Variants in MOCOS observed in about 807,000 individuals in gnomAD.
MOCOS encodes molybdenum cofactor sulfurase.
MOCOS carries 86 observed loss-of-function variants against 83.6 expected under a neutral mutation model. That is an observed-to-expected ratio of 1.03 (90% CI 0.86 to 1.23). MOCOS has a LOEUF of 1.23. Among genes scored for constraint, MOCOS ranks in the 50% most tolerant of loss-of-function variants. The pLI is 0.00. For missense variants in MOCOS, 1,120 were observed against 1,126.9 expected, an observed-to-expected ratio of 0.99 and a Z score of 0.09; for synonymous variants, 445 against 434.7, an observed-to-expected ratio of 1.02 and a Z score of -0.29.
At chr18:36,217,454 C>A (rs866226635) in intron 8 of MOCOS, among the ~76,000 whole-genome samples, 4 of 151,966 alleles carry the variant, frequency 2.6e-5, no homozygotes, top group African/African-American at 9.7e-5. Flanking sequence ...TAGCTGGGCT[C>A]CCTTATGTGT....
chr18:36,251,081 C>T lies in MOCOS; in HGVS notation c.2040-78C>T, dbSNP rs518413. 775,648 of 1,506,560 alleles carry T rather than the reference C, an allele frequency of 0.51. 203,327 individuals carry two copies. Among genetic ancestry groups the T allele is most frequent in the African/African-American group, 0.72 (51,171 of 71,492 alleles). The allele number at this position is 1,506,560 out of a possible 1,614,324, so 93.3% of individuals were successfully genotyped here. ...TGTTTTGTTTTATTTTATTTTGTAA[C>T]CAAACTTTTTGCAATTCAGATTATT... is the stretch of plus-strand genomic sequence containing the variant. On this transcript the variant is annotated intron_variant, in intron 10 of 14. Coordinates refer to ENST00000261326, the MANE Select transcript of MOCOS (RefSeq NM_017947.4).
chr18:36,221,900 T>G (rs2091497533), intron 9 of MOCOS, among the ~76,000 whole-genome samples: 1 of 152,038 alleles, frequency 6.6e-6, no homozygotes, highest in Non-Finnish European at 1.5e-5. Flanking sequence ...TGATTTTGTA[T>G]TTTTAGTAGA....
rs554855582 is a variant in MOCOS at position 36,192,237 on chromosome 18, G to A, written c.143-3020G>A. 1.6e-4 allele frequency among the ~76,000 whole-genome samples: 25 copies of A among 152,166 alleles called. No individual in the cohort carries two copies. In the South Asian group the frequency reaches 5.2e-3, roughly 32 times the overall value. On this transcript the variant is annotated intron_variant, in intron 1 of 14. Coordinates refer to ENST00000261326, the MANE Select transcript of MOCOS (RefSeq NM_017947.4). ...AAGGAATCCACACACAAAACTATTG[G>A]AATTTAAAAACAAATTTAGCCAAGT...
intron 9 of MOCOS, among the ~76,000 whole-genome samples, chr18:36,224,556 C>T (rs1366330310): frequency 6.6e-6 from 1 of 152,042 alleles, no homozygotes; most frequent in Non-Finnish European, 1.5e-5. Flanking sequence ...GTAATTTTCT[C>T]CTCTATTCTG....
chr18:36,204,973 A>G, intron 5 of MOCOS, 104 bp from the exon 6 acceptor site: 1 of 1,007,714 alleles, frequency 9.9e-7, no homozygotes, highest in Non-Finnish European at 1.4e-6. Flanking sequence ...AGCCTGGGTG[A>G]CAGAGTGAGT....
intron 14 of MOCOS, 127 bp from the exon 15 acceptor site, chr18:36,268,406 A>C: frequency 9.0e-7 from 1 of 1,114,386 alleles, no homozygotes; most frequent in Non-Finnish European, 1.3e-6. Flanking sequence ...CAGATAGGAG[A>C]TATCAAGTCT....
chr18:36,198,872 C>A, intron 3 of MOCOS, 116 bp downstream of exon 3: 1 of 1,082,396 alleles, frequency 9.2e-7, no homozygotes, highest in East Asian at 2.5e-5. Flanking sequence ...TCACAGTTGG[C>A]TAAAAGGCAA....
intron 5 of MOCOS, 61 bp from the exon 6 acceptor site, chr18:36,205,016 A>AAAAT: frequency 4.0e-6 from 5 of 1,242,580 alleles, no homozygotes; most frequent in Non-Finnish European, 5.7e-6. Flanking sequence ...AAAAAAAAAA[A>AAAAT]GAGTGAATTG....
intron 1 of MOCOS, among the ~76,000 whole-genome samples, chr18:36,192,642 A>G (rs1011749786): frequency 1.3e-5 from 2 of 152,156 alleles, no homozygotes; most frequent in African/African-American, 2.4e-5. Context: ...GAATAGCCAA[A>G]GCAATCGTTT....
At chr18:36,206,307 C>T (rs1054611787) in intron 6 of MOCOS, among the ~76,000 whole-genome samples, 3 of 127,904 alleles carry the variant, frequency 2.3e-5, no homozygotes, top group African/African-American at 3.1e-5. Flanking sequence ...AGTGCAGTGG[C>T]GTGATCTCAG....
chr18:36,249,072 C>A, intron 10 of MOCOS, 72 bp downstream of exon 10: 2 of 1,273,024 alleles, frequency 1.6e-6, no homozygotes, highest in East Asian at 2.3e-5. Flanking sequence ...AGGGTAATGC[C>A]CTATGCAATC....
intron 14 of MOCOS, among the ~76,000 whole-genome samples, chr18:36,268,252 A>G (rs753670442): frequency 1.2e-4 from 18 of 152,190 alleles, no homozygotes; most frequent in African/African-American, 4.3e-4. Flanking sequence ...GTCCTTCTGC[A>G]GGAAGTTCAG....
intron 9 of MOCOS, among the ~76,000 whole-genome samples, chr18:36,229,165 T>C (rs1302232873): frequency 6.6e-6 from 1 of 152,232 alleles, no homozygotes; most frequent in Non-Finnish European, 1.5e-5. Flanking sequence ...TTTCATGCTT[T>C]CTTATGCTAT....
chr18:36,241,388 C>G (rs954208400), intron 9 of MOCOS, among the ~76,000 whole-genome samples: 1 of 152,188 alleles, frequency 6.6e-6, no homozygotes, highest in South Asian at 2.1e-4. Context: ...AGTCTGAAAT[C>G]CAGCAGGGCA....
At chr18:36,265,229 C>G (rs1598597662) in intron 13 of MOCOS, among the ~76,000 whole-genome samples, 1 of 152,176 alleles carries the variant, frequency 6.6e-6, no homozygotes, top group Non-Finnish European at 1.5e-5. Flanking sequence ...TGCATACATG[C>G]AAGACATGGA....
intron 9 of MOCOS, among the ~76,000 whole-genome samples, chr18:36,239,339 A>G (rs11664611): frequency 0.095 from 14,061 of 148,258 alleles, 770 homozygotes; most frequent in Non-Finnish European, 0.13. Flanking sequence ...GGTGGTGACA[A>G]AATCTCTCAG....
intron 10 of MOCOS, among the ~76,000 whole-genome samples, chr18:36,249,636 G>A (rs530581056): frequency 2.5e-4 from 38 of 152,266 alleles, no homozygotes; most frequent in Non-Finnish European, 3.5e-4. Flanking sequence ...GCAGTTGGAA[G>A]GGGGAAGGGG....
chr18:36,253,883 A>T (rs1214211160), intron 11 of MOCOS, among the ~76,000 whole-genome samples: 2 of 152,036 alleles, frequency 1.3e-5, no homozygotes, highest in Admixed American at 1.3e-4. Context: ...TCACTGGAGG[A>T]TTCTAAGCCG....
intron 6 of MOCOS, among the ~76,000 whole-genome samples, chr18:36,211,556 T>A (rs967192406): frequency 1.3e-5 from 2 of 152,060 alleles, no homozygotes; most frequent in Admixed American, 1.3e-4. Flanking sequence ...CTCCAGGGCA[T>A]TGTGGCTGGG....
Sources: allele counts gnomAD v4.1 joint callset (sites outside exome capture counted in the v4.1 genomes callset), GRCh38; gene constraint gnomAD v4.1.1; transcripts MANE v1.5; gene names NCBI Gene and HGNC (gene_info 2026-07-23, HGNC 2026-07-21).